GRID1: variants seen among roughly 807,000 people sequenced by gnomAD.
The protein encoded by GRID1 is glutamate receptor ionotropic, delta-1.
GRID1 carries 28 observed loss-of-function variants against 98.0 expected under a neutral mutation model. The observed-to-expected ratio is 0.29, with a 90% CI of 0.21 to 0.39. The LOEUF is 0.39. Among genes scored for constraint, GRID1 ranks in the 10% least tolerant of loss-of-function variants. The pLI is 1.00. For missense variants in GRID1, 1,111 were observed against 1,340.5 expected (o/e 0.83, Z 2.67); for synonymous variants, 553 against 538.5 (o/e 1.03, Z -0.37).
intron 4 of GRID1, among the ~76,000 whole-genome samples, chr10:86,004,929 T>C (rs1268922486): frequency 6.6e-6 from 1 of 152,174 alleles, no homozygotes; most frequent in East Asian, 1.9e-4. Flanking sequence ...TACTGTAACA[T>C]CACACTCTGA....
At chr10:85,844,374 T>C (rs1408567668) in intron 8 of GRID1, among the ~76,000 whole-genome samples, 2 of 149,734 alleles carry the variant, frequency 1.3e-5, no homozygotes, top group Non-Finnish European at 3.0e-5. Flanking sequence ...TTGGATGTGG[T>C]AGGGGATATA....
intron 4 of GRID1, among the ~76,000 whole-genome samples, chr10:86,116,567 A>C (rs1441841582): frequency 6.6e-6 from 1 of 152,200 alleles, no homozygotes; most frequent in Non-Finnish European, 1.5e-5. Flanking sequence ...TAAGTGGTAG[A>C]CTTCTCTAGG....
In GRID1 at chr10:85,796,444, C is replaced by T. The variant is rs191559056; in HGVS notation, c.1233+58052G>A. On this transcript the variant is annotated intron_variant, in intron 8 of 15. Coordinates refer to ENST00000327946, the MANE Select transcript of GRID1 (RefSeq NM_017551.3). ...TTTATTTCAGACCTTCCATTTTATA[C>T]CCTAGAAACAACAACAGAAAGGAGT... 2.6e-5 allele frequency among the ~76,000 whole-genome samples: 4 copies of T among 152,164 alleles called. No individual in the cohort carries two copies. The East Asian group carries it at 7.7e-4, about 29-fold the overall frequency.
At chr10:86,359,207 G>A (rs922386717) in intron 2 of GRID1, among the ~76,000 whole-genome samples, 10 of 152,334 alleles carry the variant, frequency 6.6e-5, no homozygotes, top group Non-Finnish European at 1.2e-4. Context: ...TCTTTAGGAA[G>A]ACACGGACAT....
At chr10:86,059,843 G>A (rs1286739101) in intron 4 of GRID1, among the ~76,000 whole-genome samples, 2 of 152,118 alleles carry the variant, frequency 1.3e-5, no homozygotes, top group African/African-American at 2.4e-5. Flanking sequence ...ATCAGAAGTA[G>A]TTACACTATG....
At chr10:85,751,242 T>C (rs1313436100) in intron 8 of GRID1, among the ~76,000 whole-genome samples, 1 of 152,188 alleles carries the variant, frequency 6.6e-6, no homozygotes, top group Non-Finnish European at 1.5e-5. Context: ...CCCCCTTCTC[T>C]TGGTAGTGTT....
At chr10:85,774,451 C>T (rs1590226284) in intron 8 of GRID1, among the ~76,000 whole-genome samples, 1 of 152,132 alleles carries the variant, frequency 6.6e-6, no homozygotes, top group East Asian at 1.9e-4. Flanking sequence ...AAAGCAATGG[C>T]AACAAAAGCC....
intron 5 of GRID1, among the ~76,000 whole-genome samples, chr10:85,905,625 C>T (rs914979226): frequency 1.6e-4 from 24 of 151,834 alleles, no homozygotes; most frequent in African/African-American, 5.3e-4. Context: ...GAGGGTAACA[C>T]GGAGGGATAC....
At chr10:85,983,978 T>A (rs984999736) in intron 4 of GRID1, among the ~76,000 whole-genome samples, 1 of 152,098 alleles carries the variant, frequency 6.6e-6, no homozygotes, top group South Asian at 2.1e-4. Context: ...TACCTGCTCC[T>A]TCCCTGCTCC....
At chr10:86,081,670 A>T (rs1490564673) in intron 4 of GRID1, among the ~76,000 whole-genome samples, 1 of 152,248 alleles carries the variant, frequency 6.6e-6, no homozygotes, top group Non-Finnish European at 1.5e-5. Context: ...AGACAATGGA[A>T]TATTATTCAG....
intron 4 of GRID1, among the ~76,000 whole-genome samples, chr10:86,076,209 A>G (rs1201568855): frequency 6.6e-6 from 1 of 152,246 alleles, no homozygotes; most frequent in Non-Finnish European, 1.5e-5. Context: ...ATAATTGGGT[A>G]AACATTCCCT....
intron 4 of GRID1, among the ~76,000 whole-genome samples, chr10:85,932,686 G>A (rs967616038): frequency 1.3e-4 from 20 of 152,184 alleles, no homozygotes; most frequent in Non-Finnish European, 1.3e-4. Context: ...TAATCAATTA[G>A]AAGTCAATAA....
intron 5 of GRID1, among the ~76,000 whole-genome samples, chr10:85,915,505 G>GCA (rs200774432): frequency 6.6e-6 from 1 of 150,588 alleles, no homozygotes; most frequent in Non-Finnish European, 1.5e-5. Context: ...ATTTATACAT[G>GCA]CACACACACA....
intron 13 of GRID1, among the ~76,000 whole-genome samples, chr10:85,622,461 G>A (rs1842868922): frequency 6.6e-6 from 1 of 151,978 alleles, no homozygotes; most frequent in South Asian, 2.1e-4. Flanking sequence ...GGCTGAACTT[G>A]AACTCCTGGG....
At chr10:85,827,450 A>T (rs1483622932) in intron 8 of GRID1, among the ~76,000 whole-genome samples, 3 of 152,232 alleles carry the variant, frequency 2.0e-5, no homozygotes, top group Non-Finnish European at 4.4e-5. Flanking sequence ...AGAGAGAATT[A>T]AAAAGAATGA....
At chr10:85,884,313 T>C (rs1175982695) in intron 5 of GRID1, among the ~76,000 whole-genome samples, 1 of 152,216 alleles carries the variant, frequency 6.6e-6, no homozygotes, top group African/African-American at 2.4e-5. Context: ...CCTGGTCTTT[T>C]TCTGGGACAC....
intron 12 of GRID1, among the ~76,000 whole-genome samples, chr10:85,668,079 T>G (rs1174327025): frequency 1.3e-5 from 2 of 152,150 alleles, no homozygotes; most frequent in Non-Finnish European, 2.9e-5. Flanking sequence ...TATTATGAGA[T>G]AAGGTGCATT....
chr10:85,913,046 G>A (rs529872242), intron 5 of GRID1, among the ~76,000 whole-genome samples: 2 of 152,272 alleles, frequency 1.3e-5, no homozygotes, highest in African/African-American at 4.8e-5. Flanking sequence ...TTGTAATTTG[G>A]AAAACACCAC....
rs117466985 is a variant in GRID1 at position 85,701,642 on chromosome 10, C to A, written c.1997+21361G>T. On this transcript the variant is annotated intron_variant, in intron 12 of 15. Coordinates refer to ENST00000327946, the MANE Select transcript of GRID1 (RefSeq NM_017551.3). ...TATTAGGAAATCCAAAGAGAATCAA[C>A]CCACCTGTTTATGGAAAGAGCTCTC... 1.4e-3 allele frequency among the ~76,000 whole-genome samples: 217 copies of A among 152,192 alleles called. 3 individuals are homozygous for A. In the East Asian group the frequency reaches 0.014, roughly 10 times the overall value.
Sources: gnomAD v4.1 joint callset for allele counts (sites outside exome capture counted in the v4.1 genomes callset) on GRCh38, gnomAD v4.1.1 for gene constraint, MANE v1.5 for transcripts, NCBI Gene and HGNC (gene_info 2026-07-23, HGNC 2026-07-21) for gene names.